FOXP1: variants seen among roughly 807,000 people sequenced by gnomAD.
FOXP1 encodes the protein forkhead box protein P1.
In FOXP1, 15 loss-of-function variants were observed where a neutral mutation model predicts 98.2. That is an observed-to-expected ratio of 0.15 (90% CI 0.10 to 0.24). The LOEUF is 0.24. FOXP1 is among the 10% of genes least tolerant of loss of function. The pLI, the probability that FOXP1 is intolerant of heterozygous loss-of-function variation, is 1.00. For missense variants in FOXP1, 633 were observed against 848.5 expected, an observed-to-expected ratio of 0.75 and a Z score of 3.15; for synonymous variants, 371 against 314.5, an observed-to-expected ratio of 1.18 and a Z score of -1.90.
intron 10 of FOXP1, among the ~76,000 whole-genome samples, chr3:71,043,300 G>C (rs2048595779): frequency 1.3e-5 from 2 of 152,164 alleles, no homozygotes; most frequent in African/African-American, 4.8e-5. Context: ...TCCCAAATGA[G>C]CATTTAGTTA....
rs113756728 is a variant in FOXP1 at position 71,578,071 on chromosome 3, A to G, written c.-298+3478T>C. Reference sequence around the variant, plus strand: ...AGGAAGAAAGGAAAAGCCCTTAGCAAAAAGAAAAAAAAAATTAAAAACAAA... The same window carrying G: ...AGGAAGAAAGGAAAAGCCCTTAGCAGAAAGAAAAAAAAAATTAAAAACAAA... On this transcript the variant is annotated intron_variant, in intron 2 of 20. Coordinates refer to ENST00000649528, the MANE Select transcript of FOXP1 (RefSeq NM_001349338.3). Among the ~76,000 whole-genome samples the G allele has an allele frequency of 7.3e-3, 1,110 of 152,304 alleles. 12 individuals carry two copies. The highest frequency in any genetic ancestry group is 0.024 in the African/African-American group (1,006 of 41,570).
chr3:71,536,807 C>T (rs543790371), intron 2 of FOXP1, among the ~76,000 whole-genome samples: 1 of 152,136 alleles, frequency 6.6e-6, no homozygotes, highest in African/African-American at 2.4e-5. Flanking sequence ...ACATGATGAT[C>T]GTTTGGTGTG....
intron 3 of FOXP1, among the ~76,000 whole-genome samples, chr3:71,450,434 G>A (rs1447969059): frequency 1.3e-5 from 2 of 152,164 alleles, no homozygotes; most frequent in Non-Finnish European, 2.9e-5. Context: ...ACTCTCTAAT[G>A]CCACAGAAAT....
intron 3 of FOXP1, among the ~76,000 whole-genome samples, chr3:71,413,600 T>C (rs2082971066): frequency 6.6e-6 from 1 of 152,206 alleles, no homozygotes; most frequent in South Asian, 2.1e-4. Flanking sequence ...GCCTCTTAGA[T>C]GTTGCCAATT....
chr3:71,257,583 C>G (rs1459161193), intron 5 of FOXP1, among the ~76,000 whole-genome samples: 1 of 121,180 alleles, frequency 8.3e-6, no homozygotes, highest in Non-Finnish European at 1.7e-5. Flanking sequence ...AAAACTCCAT[C>G]TCAAAAAAAA....
At chr3:71,309,734 C>T (rs557117932) in intron 4 of FOXP1, among the ~76,000 whole-genome samples, 1 of 152,124 alleles carries the variant, frequency 6.6e-6, no homozygotes, top group Non-Finnish European at 1.5e-5. Context: ...ATTTTCCCCA[C>T]TTCAATGATT....
intron 3 of FOXP1, among the ~76,000 whole-genome samples, chr3:71,388,660 G>A (rs898864954): frequency 6.6e-6 from 1 of 151,728 alleles, no homozygotes; most frequent in African/African-American, 2.4e-5. Context: ...GGTGCTCAAG[G>A]GAGAAAAAGG....
intron 4 of FOXP1, among the ~76,000 whole-genome samples, chr3:71,356,187 G>C (rs115404221): frequency 1.4e-5 from 2 of 144,650 alleles, no homozygotes; most frequent in Non-Finnish European, 3.0e-5. Context: ...TTCTGCTTGC[G>C]AGGCAGGACC....
chr3:71,131,437 ATTCCTTCT>A (rs1323929505), intron 6 of FOXP1, among the ~76,000 whole-genome samples: 1 of 149,356 alleles, frequency 6.7e-6, no homozygotes, highest in Non-Finnish European at 1.5e-5. Context: ...GAAGAAAAGG[ATTCCTTCT>A]GAAAATGTAT....
intron 19 of FOXP1, among the ~76,000 whole-genome samples, chr3:70,967,700 G>GTTTTTGTTTTTTTTTTTTTTTTTTTTTTT (rs2035203703): frequency 1.6e-5 from 1 of 63,628 alleles, no homozygotes; most frequent in African/African-American, 5.4e-5. Flanking sequence ...TTTTTTTTTT[G>GTTTTTGTTTTTTTTTTTTTTTTTTTTTTT]TTTTTTTTTG....
chr3:71,517,496 T>A (rs973052797), intron 2 of FOXP1, among the ~76,000 whole-genome samples: 10 of 152,250 alleles, frequency 6.6e-5, no homozygotes, highest in African/African-American at 2.4e-4. Flanking sequence ...TTATAATAAT[T>A]GTCAGTGGAA....
chr3:71,044,449 A>T (rs1302299371), intron 10 of FOXP1, among the ~76,000 whole-genome samples: 1 of 152,198 alleles, frequency 6.6e-6, no homozygotes, highest in East Asian at 1.9e-4. Flanking sequence ...AATTATGTAA[A>T]ACAGAAAGAA....
chr3:70,991,706 A>C (rs73118209), intron 13 of FOXP1, among the ~76,000 whole-genome samples: 28,013 of 152,194 alleles, frequency 0.18, 3,272 homozygotes, highest in East Asian at 0.56. Context: ...TTGATTTAAC[A>C]GAGGTAAAGG....
chr3:71,131,537 G>A (rs2059571954), intron 6 of FOXP1, among the ~76,000 whole-genome samples: 1 of 152,118 alleles, frequency 6.6e-6, no homozygotes, highest in African/African-American at 2.4e-5. Context: ...TGTCATCCAG[G>A]TGCTAATACT....
chr3:71,478,353 C>T (rs528360038), intron 3 of FOXP1, among the ~76,000 whole-genome samples: 6 of 152,240 alleles, frequency 3.9e-5, no homozygotes, highest in African/African-American at 1.4e-4. Flanking sequence ...ATCAATAAAT[C>T]TGCTACATGT....
In FOXP1 at chr3:70,956,740, T is replaced by TTTG. The variant is rs2031909223; in HGVS notation, c.*2506_*2507insCAA. The TTTG allele has an allele frequency of 5.4e-5, 8 of 148,046 alleles. No individual in the cohort carries two copies. Among genetic ancestry groups the TTTG allele is most frequent in the African/African-American group, 4.1e-4 (8 of 19,550 alleles). 9.2% of individuals were successfully genotyped at this position (148,046 alleles called of 1,614,324 possible). On this transcript the variant is annotated 3_prime_UTR_variant, in exon 21 of 21. Coordinates refer to ENST00000649528, the MANE Select transcript of FOXP1 (RefSeq NM_001349338.3). ...TGAAGCTGCCTGGAAAAGTTTTTTT[T>TTTG]TTTTTTTTTTTTTTTTTTTTTTTTT...
intron 11 of FOXP1, among the ~76,000 whole-genome samples, chr3:71,036,450 C>G (rs1236282233): frequency 6.6e-6 from 1 of 152,108 alleles, no homozygotes; most frequent in Non-Finnish European, 1.5e-5. Flanking sequence ...GGAACAAATA[C>G]TTAGAACAGC....
At chr3:71,211,396 G>C (rs1259991674) in intron 5 of FOXP1, among the ~76,000 whole-genome samples, 1 of 152,128 alleles carries the variant, frequency 6.6e-6, no homozygotes, top group East Asian at 1.9e-4. Flanking sequence ...AGTACAGACA[G>C]GGTTTCATCA....
At chr3:71,058,631 T>C (rs1389843372) in intron 7 of FOXP1, among the ~76,000 whole-genome samples, 5 of 150,544 alleles carry the variant, frequency 3.3e-5, no homozygotes, top group Admixed American at 3.3e-4. Flanking sequence ...CTATGCCAAG[T>C]TTTTTATGAC....
Sources: gnomAD v4.1 joint callset for allele counts (sites outside exome capture counted in the v4.1 genomes callset) on GRCh38, gnomAD v4.1.1 for gene constraint, MANE v1.5 for transcripts, NCBI Gene and HGNC (gene_info 2026-07-23, HGNC 2026-07-21) for gene names.